The following PMEPA1 variants were observed in gnomAD, a reference collection of about 807,000 sequenced individuals.
The protein encoded by PMEPA1 is protein TMEPAI.
PMEPA1 carries 11 observed loss-of-function variants against 23.0 expected under a neutral mutation model. The ratio of observed to expected loss-of-function variants is 0.48; its 90% confidence interval spans 0.30 to 0.79. PMEPA1 has a LOEUF of 0.79. PMEPA1 is among the 30% of genes least tolerant of loss of function. The pLI, the probability that PMEPA1 is intolerant of heterozygous loss-of-function variation, is 0.06. For synonymous variants in PMEPA1, 204 were observed against 166.4 expected, an observed-to-expected ratio of 1.23 and a Z score of -1.74; for missense variants, 377 against 390.9, an observed-to-expected ratio of 0.96 and a Z score of 0.30.
intron 1 of PMEPA1, among the ~76,000 whole-genome samples, chr20:57,667,724 G>A (rs765975510): frequency 4.6e-5 from 7 of 152,240 alleles, no homozygotes; most frequent in Admixed American, 1.3e-4. Flanking sequence ...CTGCCTGGAT[G>A]AGACCCGCCT....
chr20:57,686,320 G>A (rs967075254), intron 1 of PMEPA1, among the ~76,000 whole-genome samples: 17 of 152,322 alleles, frequency 1.1e-4, no homozygotes, highest in African/African-American at 3.6e-4. Context: ...ATGGGGTGCC[G>A]GCCAAGCGGT....
chr20:57,658,339 G>T (rs950610425), intron 2 of PMEPA1, among the ~76,000 whole-genome samples: 1 of 152,126 alleles, frequency 6.6e-6, no homozygotes, highest in African/African-American at 2.4e-5. Context: ...TGCACAGCAC[G>T]GCCTCAAGAG....
In PMEPA1 at chr20:57,709,788, G is replaced by T. The variant is rs1052265866; in HGVS notation, c.-206C>A. ...GACCGCGCTCCGCTGCGCCCCCCCG[G>T]CCTCCCCTCGGCAGCCCCGGGGGCG... On this transcript the variant is annotated 5_prime_UTR_variant, in exon 1 of 4. Coordinates refer to ENST00000341744, the MANE Select transcript of PMEPA1 (RefSeq NM_020182.5). 4 of 982,170 alleles carry T rather than the reference G, an allele frequency of 4.1e-6. No individual in the cohort carries two copies. In the African/African-American group the frequency reaches 7.1e-5, roughly 17 times the overall value. 60.8% of individuals were successfully genotyped at this position (982,170 alleles called of 1,614,324 possible).
intron 1 of PMEPA1, among the ~76,000 whole-genome samples, chr20:57,699,162 C>T (rs2071979413): frequency 6.6e-6 from 1 of 152,214 alleles, no homozygotes; most frequent in Non-Finnish European, 1.5e-5. Flanking sequence ...TATGGGACAG[C>T]TTGTGCAGTC....
chr20:57,689,155 C>T (rs1568980533), intron 1 of PMEPA1, among the ~76,000 whole-genome samples: 2 of 152,146 alleles, frequency 1.3e-5, no homozygotes, highest in Non-Finnish European at 1.5e-5. Context: ...AATTGGTGCA[C>T]GTTTTGTTGG....
At chr20:57,679,468 G>A (rs1351078102) in intron 1 of PMEPA1, among the ~76,000 whole-genome samples, 3 of 152,222 alleles carry the variant, frequency 2.0e-5, no homozygotes, top group South Asian at 4.1e-4. Flanking sequence ...TCCAAACACG[G>A]CACACATCAG....
At position 57,659,632 on chromosome 20, in the gene PMEPA1, T is replaced by A; in HGVS notation, c.175A>T (p.Thr59Ser). Residue 59 changes from threonine (T) to serine (S), a missense_variant, in exon 2 of 4, where the codon ACG becomes TCG. Thr to Ser is a moderately conservative substitution (Grantham distance 58, BLOSUM62 1). This residue lies in a region of PMEPA1 where 198 missense variants were observed against 196.3 expected (regional missense o/e 1.01). Coordinates refer to ENST00000341744, the MANE Select transcript of PMEPA1 (RefSeq NM_020182.5). ...VVMMVMVVVI[T>S]CLLSHYKLSA... ...AGCTTGTAGTGGCTCAGCAGGCACG[T>A]GATCACCACCACCATCACCATCATC... is the stretch of plus-strand genomic sequence containing the variant. The A allele has an allele frequency of 6.2e-7, 1 of 1,611,930 alleles. No homozygotes were observed. Among genetic ancestry groups the A allele is most frequent in the South Asian group, 1.1e-5 (1 of 90,654 alleles).
chr20:57,710,407 G>A (rs1347367207), upstream of PMEPA1: 3 of 1,573,386 alleles, frequency 1.9e-6, no homozygotes, highest in Admixed American at 1.7e-5. Flanking sequence ...GTCCCTGGGG[G>A]CTCAGGGAAG....
At chr20:57,668,831 A>T (rs1455469897) in intron 1 of PMEPA1, among the ~76,000 whole-genome samples, 2 of 152,168 alleles carry the variant, frequency 1.3e-5, no homozygotes, top group Non-Finnish European at 2.9e-5. Flanking sequence ...TCCTGCCTGG[A>T]ATGATTTTTC....
intron 1 of PMEPA1, among the ~76,000 whole-genome samples, chr20:57,692,357 C>G (rs1346096602): frequency 6.6e-6 from 1 of 152,246 alleles, no homozygotes; most frequent in Non-Finnish European, 1.5e-5. Context: ...GCACAGCCCA[C>G]CAGGTGTGGG....
intron 1 of PMEPA1, among the ~76,000 whole-genome samples, chr20:57,672,564 G>A (rs2071583415): frequency 6.6e-6 from 1 of 152,232 alleles, no homozygotes; most frequent in Non-Finnish European, 1.5e-5. Context: ...TCGGCGACGG[G>A]CACCGTCTGG....
intron 1 of PMEPA1, chr20:57,690,399 T>C (rs895793355): frequency 3.9e-6 from 5 of 1,295,190 alleles, no homozygotes; most frequent in South Asian, 1.2e-5. Context: ...CTTACCTCCA[T>C]GTGCTGGAAT....
chr20:57,699,368 T>C (rs1298846076), intron 1 of PMEPA1, among the ~76,000 whole-genome samples: 1 of 152,244 alleles, frequency 6.6e-6, no homozygotes, highest in Non-Finnish European at 1.5e-5. Context: ...TGATAGGTGC[T>C]TAAAAGACAA....
At chr20:57,662,834 G>T (rs1173224442) in intron 1 of PMEPA1, among the ~76,000 whole-genome samples, 2 of 152,156 alleles carry the variant, frequency 1.3e-5, no homozygotes, top group African/African-American at 4.8e-5. Context: ...GAGGTGTGTG[G>T]CTGTTTTTGT....
intron 1 of PMEPA1, among the ~76,000 whole-genome samples, chr20:57,677,041 C>T (rs1040627040): frequency 2.6e-5 from 4 of 152,250 alleles, no homozygotes; most frequent in African/African-American, 9.6e-5. Context: ...CCAGCCTGGC[C>T]TTTCGCCTGC....
chr20:57,667,304 T>G (rs1281256755), intron 1 of PMEPA1, among the ~76,000 whole-genome samples: 1 of 152,218 alleles, frequency 6.6e-6, no homozygotes, highest in Non-Finnish European at 1.5e-5. Context: ...TTCAGATCCC[T>G]GTTGGGACGT....
At chr20:57,657,708 G>A (rs2071347559) in intron 2 of PMEPA1, among the ~76,000 whole-genome samples, 2 of 152,216 alleles carry the variant, frequency 1.3e-5, no homozygotes, top group South Asian at 4.1e-4. Flanking sequence ...TGCAAGCAGA[G>A]GTGTCCAGAC....
At chr20:57,667,813 C>T (rs1001164189) in intron 1 of PMEPA1, among the ~76,000 whole-genome samples, 1 of 152,104 alleles carries the variant, frequency 6.6e-6, no homozygotes, top group African/African-American at 2.4e-5. Context: ...CTCTCCCCTA[C>T]CTACCCCCAC....
At chr20:57,693,707 G>A (rs1278389524) in intron 1 of PMEPA1, among the ~76,000 whole-genome samples, 1 of 149,706 alleles carries the variant, frequency 6.7e-6, no homozygotes, top group Non-Finnish European at 1.5e-5. Context: ...AAATTAAGGA[G>A]ATTTTTTTTT....
Sources: gnomAD v4.1 joint callset for allele counts (sites outside exome capture counted in the v4.1 genomes callset) on GRCh38, gnomAD v4.1.1 for gene constraint, gnomAD v4.1.1 regional missense constraint, MANE v1.5 for transcripts, NCBI Gene and HGNC (gene_info 2026-07-23, HGNC 2026-07-21) for gene names.